Variants in NTRK2 observed in about 807,000 individuals in gnomAD.
NTRK2 encodes neurotrophic receptor tyrosine kinase 2.
NTRK2 carries 13 observed loss-of-function variants against 94.5 expected under a neutral mutation model. That is an observed-to-expected ratio of 0.14 (90% CI 0.09 to 0.22). The LOEUF (loss-of-function observed/expected upper bound fraction) is 0.22, where lower values mean the gene tolerates loss of function less well. Among genes scored for constraint, NTRK2 ranks in the 10% least tolerant of loss-of-function variants. NTRK2 has a pLI of 1.00. For synonymous variants in NTRK2, 372 were observed against 407.4 expected (o/e 0.91, Z 1.05); for missense variants, 639 against 1,071.2 (o/e 0.60, Z 5.63).
rs192950650 is a variant in NTRK2 at position 84,951,092 on chromosome 9, G to A, written c.1937+2458G>A. ...GAAATGGTATCACATGGCTGGTGCC[G>A]TCTGGATCATTTTTACCCTCTTTAG... is the stretch of plus-strand genomic sequence containing the variant. On this transcript the variant is annotated intron_variant, in intron 16 of 18. Transcript: ENST00000277120. 2.0e-3 allele frequency among the ~76,000 whole-genome samples: 299 copies of A among 152,300 alleles called. 3 individuals carry two copies. Among genetic ancestry groups the A allele is most frequent in the East Asian group, 3.3e-3 (17 of 5,192 alleles).
chr9:84,930,682 C>T (rs921412302), intron 14 of NTRK2, among the ~76,000 whole-genome samples: 6 of 152,152 alleles, frequency 3.9e-5, no homozygotes, highest in South Asian at 2.1e-4. Context: ...CAGAGTACAC[C>T]GTGGAGGGGT....
intron 17 of NTRK2, among the ~76,000 whole-genome samples, chr9:85,002,981 G>T (rs1343873369): frequency 1.3e-5 from 2 of 152,330 alleles, no homozygotes; most frequent in South Asian, 2.1e-4. Flanking sequence ...TGGAGAAACA[G>T]TTGGGGGACG....
intron 12 of NTRK2, among the ~76,000 whole-genome samples, chr9:84,784,254 TA>T (rs1314336013): frequency 6.6e-6 from 1 of 152,194 alleles, no homozygotes; most frequent in Non-Finnish European, 1.5e-5. Context: ...ATGAGATACA[TA>T]GTGATGCGTG....
At chr9:84,699,664 T>TG (rs371770913) in intron 2 of NTRK2, among the ~76,000 whole-genome samples, 1,386 of 111,808 alleles carry the variant, frequency 0.012, 22 homozygotes, top group African/African-American at 0.032. Flanking sequence ...TATGTGTGTG[T>TG]TTTTTTTTTT....
chr9:84,796,977 G>A (rs1293723052), intron 12 of NTRK2, among the ~76,000 whole-genome samples: 3 of 152,030 alleles, frequency 2.0e-5, no homozygotes, highest in Admixed American at 6.5e-5. Flanking sequence ...TAATAAAGCT[G>A]CATTTCTTTA....
intron 12 of NTRK2, chr9:84,812,595 A>T: frequency 1.9e-6 from 2 of 1,046,794 alleles, no homozygotes; most frequent in Non-Finnish European, 2.3e-6. Context: ...CCTGAAAGAG[A>T]GATGAAATTC....
Position 85,021,599 on chromosome 9 carries a change from T to C in NTRK2, c.*162T>C, listed in dbSNP as rs1279173612. 5 of 721,070 alleles carry C rather than the reference T, an allele frequency of 6.9e-6. No homozygotes were observed. The highest frequency in any genetic ancestry group is 5.2e-5 in the African/African-American group (3 of 57,716). The allele number at this position is 721,070 out of a possible 1,614,324, so 44.7% of individuals were successfully genotyped here. On this transcript the variant is annotated 3_prime_UTR_variant, in exon 19 of 19. Transcript: ENST00000277120. ...AGCTCTCGAGGGAAGCAGTGTGTAC[T>C]TCTTCATCCATAGACACAGTATTGA...
chr9:84,901,179 ATTTTGTTTTG>A (rs1160210693), intron 14 of NTRK2, among the ~76,000 whole-genome samples: 11 of 145,840 alleles, frequency 7.5e-5, no homozygotes, highest in Admixed American at 2.1e-4. Context: ...CTTTCATTTT[ATTTTGTTTTG>A]TTTTGTTTTG....
intron 15 of NTRK2, among the ~76,000 whole-genome samples, chr9:84,939,004 A>G (rs2078304662): frequency 1.5e-5 from 2 of 133,824 alleles, no homozygotes; most frequent in African/African-American, 5.8e-5. Flanking sequence ...GTGAGCCGAG[A>G]TTGCACCACT....
At chr9:84,904,099 G>T (rs2077008348) in intron 14 of NTRK2, among the ~76,000 whole-genome samples, 1 of 152,172 alleles carries the variant, frequency 6.6e-6, no homozygotes, top group Non-Finnish European at 1.5e-5. Context: ...CTAGGCACAT[G>T]CTGTTCCGAA....
At chr9:84,711,971 T>C (rs776787080) in intron 6 of NTRK2, among the ~76,000 whole-genome samples, 4 of 152,212 alleles carry the variant, frequency 2.6e-5, no homozygotes, top group Non-Finnish European at 4.4e-5. Context: ...TATGTGTCTT[T>C]TCCTGATTGA....
intron 12 of NTRK2, among the ~76,000 whole-genome samples, chr9:84,777,949 A>G (rs1214727520): frequency 6.6e-6 from 1 of 152,178 alleles, no homozygotes; most frequent in Non-Finnish European, 1.5e-5. Flanking sequence ...TCGTTTCAAC[A>G]GTGCAATTTG....
chr9:84,872,978 T>G, intron 14 of NTRK2: 1 of 1,064,560 alleles, frequency 9.4e-7, no homozygotes. Context: ...GCAGAGGTTT[T>G]GAACATATTT....
At chr9:84,804,365 C>T (rs982912814) in intron 12 of NTRK2, among the ~76,000 whole-genome samples, 7 of 152,180 alleles carry the variant, frequency 4.6e-5, no homozygotes, top group African/African-American at 1.4e-4. Flanking sequence ...CTCACACAGG[C>T]ACTGGCTGAC....
chr9:84,818,890 C>T (rs1031047897), intron 12 of NTRK2, among the ~76,000 whole-genome samples: 6 of 152,194 alleles, frequency 3.9e-5, no homozygotes, highest in Non-Finnish European at 5.9e-5. Context: ...CCTTGCCTTT[C>T]GAACACCCAC....
At chr9:84,844,381 C>A (rs1033398515) in intron 12 of NTRK2, among the ~76,000 whole-genome samples, 2 of 152,214 alleles carry the variant, frequency 1.3e-5, no homozygotes, top group East Asian at 3.9e-4. Flanking sequence ...ACAGACTCCT[C>A]CCACATTCAG....
At chr9:84,767,055 G>A (rs899018533) in intron 12 of NTRK2, among the ~76,000 whole-genome samples, 2 of 152,162 alleles carry the variant, frequency 1.3e-5, no homozygotes, top group African/African-American at 2.4e-5. Flanking sequence ...GAAAGGGATA[G>A]GACCCAGACT....
At chr9:84,703,268 A>G (rs2060841173) in intron 4 of NTRK2, among the ~76,000 whole-genome samples, 1 of 152,212 alleles carries the variant, frequency 6.6e-6, no homozygotes, top group African/African-American at 2.4e-5. Context: ...GATACCTTAC[A>G]TGTCATAGTC....
chr9:85,001,795 A>G (rs1380367179), intron 17 of NTRK2, among the ~76,000 whole-genome samples: 1 of 152,210 alleles, frequency 6.6e-6, no homozygotes, highest in Non-Finnish European at 1.5e-5. Context: ...CAGCTGTGAG[A>G]TGCTGCGCTG....
Sources: allele counts gnomAD v4.1 joint callset (sites outside exome capture counted in the v4.1 genomes callset), GRCh38; gene constraint gnomAD v4.1.1; transcripts MANE v1.5; gene names NCBI Gene and HGNC (gene_info 2026-07-23, HGNC 2026-07-21).